Variants in ATRNL1 observed in about 807,000 individuals in gnomAD.
ATRNL1 encodes attractin like 1.
In ATRNL1, 95 loss-of-function variants were observed where a neutral mutation model predicts 182.7. The observed-to-expected ratio is 0.52, with a 90% CI of 0.44 to 0.62. ATRNL1 has a LOEUF of 0.62. ATRNL1 is among the 20% of genes least tolerant of loss of function. ATRNL1 has a pLI of 0.00. For missense variants in ATRNL1, 1,471 were observed against 1,679.5 expected (o/e 0.88, Z 2.17); for synonymous variants, 576 against 568.3 (o/e 1.01, Z -0.19).
chr10:115,313,460 G>GT (rs1854136921), intron 17 of ATRNL1, among the ~76,000 whole-genome samples: 1 of 152,168 alleles, frequency 6.6e-6, no homozygotes, highest in African/African-American at 2.4e-5. Flanking sequence ...GGTTGTAGTA[G>GT]TGATGTGCTC....
At chr10:115,719,952 C>G (rs1947372187) in intron 26 of ATRNL1, among the ~76,000 whole-genome samples, 1 of 150,292 alleles carries the variant, frequency 6.7e-6, no homozygotes, top group Non-Finnish European at 1.5e-5. Flanking sequence ...CTCTGCCTCT[C>G]AGATTCAAGC....
At chr10:115,176,154 G>T (rs1847497679) in intron 8 of ATRNL1, among the ~76,000 whole-genome samples, 1 of 151,872 alleles carries the variant, frequency 6.6e-6, no homozygotes, top group Admixed American at 6.6e-5. Context: ...TTTTGATGGG[G>T]TTGTTTTTTT....
chr10:115,757,353 GGT>G (rs1355938356), intron 27 of ATRNL1, among the ~76,000 whole-genome samples: 1 of 152,134 alleles, frequency 6.6e-6, no homozygotes, highest in Non-Finnish European at 1.5e-5. Flanking sequence ...AGGTAGGCCT[GGT>G]GGTGACAAAA....
chr10:115,567,028 C>T (rs1280500613), intron 26 of ATRNL1, among the ~76,000 whole-genome samples: 2 of 152,104 alleles, frequency 1.3e-5, no homozygotes, highest in Non-Finnish European at 2.9e-5. Context: ...TTTGTCCAGC[C>T]AGGACAAACA....
At position 115,757,488 on chromosome 10, in the gene ATRNL1, C is replaced by T. The variant is rs1948620685; in HGVS notation, c.3903+30133C>T. ...CTTTAAGAATGTTGAATATTGTCCC[C>T]TACTCTCTTCTGGCTTGTAGGGTTT... is the stretch of plus-strand genomic sequence containing the variant. On this transcript the variant is annotated intron_variant, in intron 27 of 28. Transcript: ENST00000355044. 1.3e-5 allele frequency among the ~76,000 whole-genome samples: 2 copies of T among 152,304 alleles called. 1 individual carries two copies. The highest frequency in any genetic ancestry group is 4.1e-4 in the South Asian group (2 of 4,826).
At chr10:115,620,348 C>G (rs1555022289) in intron 26 of ATRNL1, among the ~76,000 whole-genome samples, 1 of 152,080 alleles carries the variant, frequency 6.6e-6, no homozygotes, top group African/African-American at 2.4e-5. Context: ...AGGCCCCACC[C>G]CCAACACTGG....
intron 26 of ATRNL1, among the ~76,000 whole-genome samples, chr10:115,693,574 A>C (rs1414316145): frequency 1.3e-5 from 2 of 152,166 alleles, no homozygotes; most frequent in African/African-American, 4.8e-5. Context: ...GCCTCATTAG[A>C]CAAGTTCATC....
At chr10:115,769,642 A>G (rs1362770143) in intron 27 of ATRNL1, among the ~76,000 whole-genome samples, 1 of 152,120 alleles carries the variant, frequency 6.6e-6, no homozygotes, top group African/African-American at 2.4e-5. Context: ...GGAGTTATTC[A>G]TGCCTGGTTT....
chr10:115,741,898 G>A (rs186336682), intron 27 of ATRNL1, among the ~76,000 whole-genome samples: 5 of 152,248 alleles, frequency 3.3e-5, no homozygotes, highest in Non-Finnish European at 4.4e-5. Flanking sequence ...GACAGGCTGA[G>A]AAAGAGTACA....
intron 19 of ATRNL1, among the ~76,000 whole-genome samples, chr10:115,394,312 G>A (rs1391415912): frequency 1.3e-5 from 2 of 151,924 alleles, no homozygotes; most frequent in Non-Finnish European, 2.9e-5. Context: ...TTGAACCCAA[G>A]CTGTTTGAGT....
chr10:115,831,513 A>G (rs973098357), intron 27 of ATRNL1, among the ~76,000 whole-genome samples: 3 of 152,098 alleles, frequency 2.0e-5, no homozygotes, highest in African/African-American at 7.2e-5. Context: ...AAATCCCCCC[A>G]GTGAAAAGCA....
chr10:115,235,539 C>T (rs1393130465), intron 9 of ATRNL1, among the ~76,000 whole-genome samples: 4 of 151,450 alleles, frequency 2.6e-5, no homozygotes, highest in Non-Finnish European at 4.4e-5. Context: ...TTCCAGAGTT[C>T]GTCTGTATTA....
intron 22 of ATRNL1, 47 bp from the exon 23 acceptor site, chr10:115,467,127 C>A (rs1554970970): frequency 1.0e-6 from 1 of 981,668 alleles, no homozygotes; most frequent in African/African-American, 1.6e-5. Flanking sequence ...TCATATATAT[C>A]TAGTGTAATT....
At chr10:115,255,508 A>G (rs990763414) in intron 10 of ATRNL1, among the ~76,000 whole-genome samples, 2 of 152,196 alleles carry the variant, frequency 1.3e-5, no homozygotes, top group African/African-American at 4.8e-5. Flanking sequence ...ACTTTGCTAA[A>G]GTTGTTTATC....
rs71010046 is a variant in ATRNL1 at position 115,738,154 on chromosome 10, T to TTTC, written c.3903+10801_3903+10802insCTT. On this transcript the variant is annotated intron_variant, in intron 27 of 28. Coordinates refer to ENST00000355044, the MANE Select transcript of ATRNL1 (RefSeq NM_207303.4). The stretch of plus-strand genomic sequence containing the variant: ...TTTTTTTTTTTTTTTTTTTTTTTTT[T>TTTC]TTGAGATGGAGTCCTGCTCTGTCGC... 1.3e-3 allele frequency among the ~76,000 whole-genome samples: 81 copies of TTTC among 63,910 alleles called. 18 individuals are homozygous for TTTC. In the East Asian group the frequency reaches 0.013, roughly 10 times the overall value. 41.9% of individuals were successfully genotyped at this position (63,910 alleles called of 152,430 possible).
At chr10:115,391,766 A>G (rs1592584120) in intron 19 of ATRNL1, among the ~76,000 whole-genome samples, 1 of 151,966 alleles carries the variant, frequency 6.6e-6, no homozygotes, top group Non-Finnish European at 1.5e-5. Context: ...TTATTCCACT[A>G]TCTTCCTAAC....
chr10:115,724,891 C>T (rs144797887), intron 26 of ATRNL1, among the ~76,000 whole-genome samples: 129 of 152,220 alleles, frequency 8.5e-4, no homozygotes, highest in South Asian at 3.1e-3. Context: ...AAGAGTGCTA[C>T]GAGGGAAAAT....
intron 26 of ATRNL1, among the ~76,000 whole-genome samples, chr10:115,577,938 TC>T (rs1258803857): frequency 6.6e-6 from 1 of 151,646 alleles, no homozygotes; most frequent in African/African-American, 2.4e-5. Flanking sequence ...TGTACCTGTT[TC>T]TTTAATATTA....
At chr10:115,684,884 C>T (rs565962119) in intron 26 of ATRNL1, among the ~76,000 whole-genome samples, 12 of 151,784 alleles carry the variant, frequency 7.9e-5, no homozygotes, top group African/African-American at 2.7e-4. Context: ...AGTCTTCCTC[C>T]TCATTTTTAT....
Sources: gnomAD v4.1 joint callset for allele counts (sites outside exome capture counted in the v4.1 genomes callset) on GRCh38, gnomAD v4.1.1 for gene constraint, MANE v1.5 for transcripts, NCBI Gene and HGNC (gene_info 2026-07-23, HGNC 2026-07-21) for gene names.